KCNH1: variants seen among roughly 807,000 people sequenced by gnomAD.
The protein encoded by KCNH1 is potassium voltage-gated channel subfamily H member 1.
Under a neutral mutation model 69.2 loss-of-function variants are expected in KCNH1, and 27 were observed. The observed-to-expected ratio is 0.39, with a 90% CI of 0.29 to 0.54. The LOEUF (loss-of-function observed/expected upper bound fraction) is 0.54, where lower values mean the gene tolerates loss of function less well. Among genes scored for constraint, KCNH1 ranks in the 20% least tolerant of loss-of-function variants. The probability of loss-of-function intolerance (pLI) is 0.68; values close to 1 mark genes in which losing one functional copy is unlikely to be tolerated. For synonymous variants in KCNH1, 456 were observed against 487.7 expected, an observed-to-expected ratio of 0.93 and a Z score of 0.86; for missense variants, 798 against 1,261.6, an observed-to-expected ratio of 0.63 and a Z score of 5.57.
At chr1:210,709,017 G>A (rs1021203254) in intron 10 of KCNH1, among the ~76,000 whole-genome samples, 1 of 152,122 alleles carries the variant, frequency 6.6e-6, no homozygotes, top group African/African-American at 2.4e-5. Flanking sequence ...CTGGGAGGCT[G>A]AGGTGGGTGG....
intron 8 of KCNH1, among the ~76,000 whole-genome samples, chr1:210,799,732 T>C (rs58479225): frequency 0.032 from 4,916 of 152,310 alleles, 265 homozygotes; most frequent in African/African-American, 0.11. Context: ...CTGGGTACTT[T>C]CCCACCTCTG....
chr1:210,757,232 C>A (rs916113110), intron 10 of KCNH1, among the ~76,000 whole-genome samples: 10 of 152,148 alleles, frequency 6.6e-5, no homozygotes, highest in Non-Finnish European at 1.5e-4. Flanking sequence ...TGGCTACCAC[C>A]TATGGGCATC....
chr1:211,074,635 T>C (rs1331338173), intron 5 of KCNH1, among the ~76,000 whole-genome samples: 1 of 152,212 alleles, frequency 6.6e-6, no homozygotes, highest in Non-Finnish European at 1.5e-5. Context: ...GCTGTGGCAC[T>C]CAGGTATTTA....
intron 9 of KCNH1, among the ~76,000 whole-genome samples, chr1:210,789,709 C>T (rs1347923702): frequency 1.3e-5 from 2 of 152,148 alleles, no homozygotes; most frequent in African/African-American, 4.8e-5. Flanking sequence ...ATCCTAAAGC[C>T]TCACAAACAA....
intron 8 of KCNH1, among the ~76,000 whole-genome samples, chr1:210,801,953 G>C (rs1041381361): frequency 6.6e-6 from 1 of 152,152 alleles, no homozygotes; most frequent in Admixed American, 6.5e-5. Flanking sequence ...AAAAGCACAG[G>C]CTTTGAAGTC....
intron 10 of KCNH1, among the ~76,000 whole-genome samples, chr1:210,770,182 T>G (rs1214470179): frequency 2.0e-5 from 3 of 151,210 alleles, no homozygotes; most frequent in African/African-American, 7.3e-5. Context: ...AGGGGGAACA[T>G]CACACACTGG....
At chr1:211,115,372 A>G (rs1018479077) in intron 1 of KCNH1, among the ~76,000 whole-genome samples, 1 of 152,192 alleles carries the variant, frequency 6.6e-6, no homozygotes, top group Non-Finnish European at 1.5e-5. Context: ...GATGCAAAGT[A>G]TTAATCCTTG....
At chr1:210,985,479 T>G (rs1688812031) in intron 6 of KCNH1, among the ~76,000 whole-genome samples, 1 of 152,236 alleles carries the variant, frequency 6.6e-6, no homozygotes, top group Non-Finnish European at 1.5e-5. Flanking sequence ...TCTGGTATGT[T>G]GTGTCTTTGT....
chr1:210,940,561 T>C (rs913544250), intron 6 of KCNH1, among the ~76,000 whole-genome samples: 8 of 152,342 alleles, frequency 5.3e-5, no homozygotes, highest in African/African-American at 1.9e-4. Context: ...GCAGTCTCCA[T>C]AGAAAACAAT....
At chr1:210,908,878 T>G (rs1227145079) in intron 7 of KCNH1, among the ~76,000 whole-genome samples, 1 of 152,212 alleles carries the variant, frequency 6.6e-6, no homozygotes, top group Non-Finnish European at 1.5e-5. Context: ...GCAGGGCACG[T>G]GCAGCTCTGC....
chr1:210,905,894 A>C (rs1574330131), intron 7 of KCNH1, among the ~76,000 whole-genome samples: 1 of 152,252 alleles, frequency 6.6e-6, no homozygotes. Context: ...TGCTCAAAGC[A>C]GTATAACAAT....
intron 6 of KCNH1, among the ~76,000 whole-genome samples, chr1:211,014,407 C>T (rs954006008): frequency 2.0e-5 from 3 of 152,124 alleles, no homozygotes; most frequent in Non-Finnish European, 2.9e-5. Context: ...AAACGGCCTC[C>T]GAAACAGATT....
intron 6 of KCNH1, among the ~76,000 whole-genome samples, chr1:210,937,523 T>A (rs1442140949): frequency 6.6e-6 from 1 of 152,192 alleles, no homozygotes; most frequent in Admixed American, 6.5e-5. Context: ...GGCTAGAGCA[T>A]GGCAGTACTG....
intron 10 of KCNH1, among the ~76,000 whole-genome samples, chr1:210,686,004 C>T (rs989799368): frequency 1.3e-5 from 2 of 152,182 alleles, no homozygotes; most frequent in Non-Finnish European, 2.9e-5. Context: ...AATCTTCCAG[C>T]TATTACCTGG....
At chr1:211,088,560 T>C (rs982273726) in intron 4 of KCNH1, among the ~76,000 whole-genome samples, 3 of 152,210 alleles carry the variant, frequency 2.0e-5, no homozygotes, top group African/African-American at 4.8e-5. Context: ...AGGGGCATGA[T>C]GACATGGCAA....
chr1:211,084,797 G>A (rs1010922032), intron 4 of KCNH1, among the ~76,000 whole-genome samples: 5 of 152,132 alleles, frequency 3.3e-5, no homozygotes, highest in East Asian at 1.9e-4. Context: ...ATCATGCCTC[G>A]CCAGATGAAA....
chr1:210,695,192 AG>A (rs1681612364), intron 10 of KCNH1, among the ~76,000 whole-genome samples: 2 of 152,218 alleles, frequency 1.3e-5, no homozygotes. Flanking sequence ...GGGGCAATGG[AG>A]AGTTCCTAAG....
intron 5 of KCNH1, among the ~76,000 whole-genome samples, chr1:211,061,813 G>A (rs1690437830): frequency 6.6e-6 from 1 of 152,000 alleles, no homozygotes; most frequent in South Asian, 2.1e-4. Context: ...AGAAATAGAA[G>A]AGGACACACA....
intron 6 of KCNH1, among the ~76,000 whole-genome samples, chr1:210,940,092 T>C (rs920933159): frequency 6.6e-6 from 1 of 152,238 alleles, no homozygotes; most frequent in East Asian, 1.9e-4. Context: ...ATGGAATAAA[T>C]TGGCTTATCA....
Sources: gnomAD v4.1 joint callset for allele counts (sites outside exome capture counted in the v4.1 genomes callset) on GRCh38, gnomAD v4.1.1 for gene constraint, MANE v1.5 for transcripts, NCBI Gene and HGNC (gene_info 2026-07-23, HGNC 2026-07-21) for gene names.